The following ADAMTSL3 variants were observed in gnomAD, a reference collection of about 807,000 sequenced individuals.
The protein encoded by ADAMTSL3 is ADAMTS like 3.
In ADAMTSL3, 128 loss-of-function variants were observed where a neutral mutation model predicts 201.7. That is an observed-to-expected ratio of 0.63 (90% CI 0.55 to 0.73). ADAMTSL3 has a LOEUF of 0.73. ADAMTSL3 is among the 30% of genes least tolerant of loss of function. The pLI, the probability that ADAMTSL3 is intolerant of heterozygous loss-of-function variation, is 0.00. For synonymous variants in ADAMTSL3, 738 were observed against 748.4 expected (o/e 0.99, Z 0.23); for missense variants, 1,990 against 2,119.6 (o/e 0.94, Z 1.20).
intron 2 of ADAMTSL3, 58 bp from the exon 3 acceptor site, chr15:83,704,331 A>T (rs763181061): frequency 3.7e-6 from 6 of 1,610,866 alleles, no homozygotes; most frequent in Non-Finnish European, 5.1e-6. Flanking sequence ...CTTGGACTTT[A>T]CCTGTCAGGG....
intron 3 of ADAMTSL3, among the ~76,000 whole-genome samples, chr15:83,737,742 T>C (rs1345288665): frequency 2.0e-5 from 3 of 152,162 alleles, no homozygotes; most frequent in Non-Finnish European, 4.4e-5. Flanking sequence ...GAGTATCAAT[T>C]GGGATGAAAA....
chr15:84,024,837 A>T (rs2068272793), intron 26 of ADAMTSL3, among the ~76,000 whole-genome samples: 1 of 152,236 alleles, frequency 6.6e-6, no homozygotes, highest in Non-Finnish European at 1.5e-5. Context: ...ATACAAGCTA[A>T]CATGTAAGTA....
At chr15:83,980,800 C>T (rs1048104974) in intron 20 of ADAMTSL3, among the ~76,000 whole-genome samples, 1 of 152,208 alleles carries the variant, frequency 6.6e-6, no homozygotes, top group African/African-American at 2.4e-5. Context: ...GTTGACACCA[C>T]GAAACCCCAG....
At chr15:83,661,188 T>C (rs898470078) in intron 2 of ADAMTSL3, among the ~76,000 whole-genome samples, 1 of 152,314 alleles carries the variant, frequency 6.6e-6, no homozygotes, top group Non-Finnish European at 1.5e-5. Context: ...ACTGTAGCCT[T>C]GTAGTATAGT....
chr15:84,027,553 A>G (rs2068332621), intron 27 of ADAMTSL3, among the ~76,000 whole-genome samples: 1 of 152,102 alleles, frequency 6.6e-6, no homozygotes, highest in Non-Finnish European at 1.5e-5. Context: ...TACTAAAAAT[A>G]CAAAAAATTA....
intron 27 of ADAMTSL3, among the ~76,000 whole-genome samples, chr15:84,027,320 C>T (rs2068327571): frequency 1.3e-5 from 2 of 152,206 alleles, no homozygotes; most frequent in Non-Finnish European, 2.9e-5. Context: ...CCTAGCGGTT[C>T]CTCAAAATGT....
At chr15:83,847,984 G>A (rs562030349) in intron 7 of ADAMTSL3, among the ~76,000 whole-genome samples, 2 of 150,454 alleles carry the variant, frequency 1.3e-5, no homozygotes, top group East Asian at 3.9e-4. Context: ...ATTAGCATTA[G>A]CATGTATTTA....
At chr15:83,719,401 T>C (rs1338260608) in intron 3 of ADAMTSL3, among the ~76,000 whole-genome samples, 5 of 152,198 alleles carry the variant, frequency 3.3e-5, no homozygotes, top group Admixed American at 3.3e-4. Context: ...ATGGCCCTTA[T>C]TTGGATCTTT....
intron 7 of ADAMTSL3, among the ~76,000 whole-genome samples, 185 bp from the exon 8 acceptor site, chr15:83,858,581 C>T (rs1439019557): frequency 6.6e-6 from 1 of 152,148 alleles, no homozygotes; most frequent in Non-Finnish European, 1.5e-5. Flanking sequence ...CCATCTTGGC[C>T]AGGCTGGTCT....
At chr15:83,822,120 C>T (rs1300322300) in intron 6 of ADAMTSL3, among the ~76,000 whole-genome samples, 6 of 145,300 alleles carry the variant, frequency 4.1e-5, no homozygotes, top group African/African-American at 7.7e-5. Context: ...CCTGGCCGGG[C>T]GGGGGGCTGA....
chr15:83,923,246 T>G (rs1217273805), intron 16 of ADAMTSL3, among the ~76,000 whole-genome samples: 1 of 152,222 alleles, frequency 6.6e-6, no homozygotes, highest in Non-Finnish European at 1.5e-5. Flanking sequence ...TCTCTAGACC[T>G]CAGTTTCCTT....
chr15:83,944,492 T>C (rs1213630496), intron 19 of ADAMTSL3, among the ~76,000 whole-genome samples: 1 of 152,196 alleles, frequency 6.6e-6, no homozygotes, highest in Non-Finnish European at 1.5e-5. Context: ...CAACCTGCTC[T>C]GAGTCCTAGG....
chr15:83,717,040 T>C (rs1301737827), intron 3 of ADAMTSL3, among the ~76,000 whole-genome samples: 1 of 152,216 alleles, frequency 6.6e-6, no homozygotes, highest in African/African-American at 2.4e-5. Context: ...ATTGTAAATA[T>C]ACATTAAATA....
chr15:83,815,771 G>A (rs898751162), intron 5 of ADAMTSL3, among the ~76,000 whole-genome samples: 3 of 152,216 alleles, frequency 2.0e-5, no homozygotes, highest in East Asian at 3.8e-4. Context: ...ATCAGTCTTG[G>A]CTTTGTCATA....
chr15:83,882,115 C>T (rs28712829), intron 9 of ADAMTSL3, among the ~76,000 whole-genome samples: 41,336 of 151,856 alleles, frequency 0.27, 6,291 homozygotes, highest in Admixed American at 0.43. Flanking sequence ...GAGATCGCGC[C>T]ACTGCACTCC....
intron 21 of ADAMTSL3, among the ~76,000 whole-genome samples, chr15:83,987,869 G>A (rs920398813): frequency 2.0e-5 from 3 of 152,202 alleles, no homozygotes; most frequent in Non-Finnish European, 4.4e-5. Context: ...TGGGGCAGGG[G>A]AAAAATAGTA....
rs941139302 is a variant in ADAMTSL3 at position 83,993,866 on chromosome 15, A to C, written c.3973+2652A>C. ...CTGGGGAAAATCACCAGAAAATATC[A>C]GTTGCTGCATGTTTTATTTTCTTTC... On this transcript the variant is annotated intron_variant, in intron 23 of 29. Coordinates refer to ENST00000286744, the MANE Select transcript of ADAMTSL3 (RefSeq NM_207517.3). Among the ~76,000 whole-genome samples, 15 of 152,330 alleles carry C rather than the reference A, an allele frequency of 9.8e-5. 1 individual carries two copies. In the East Asian group the frequency reaches 2.7e-3, roughly 27 times the overall value.
intron 4 of ADAMTSL3, among the ~76,000 whole-genome samples, chr15:83,800,473 C>T (rs769464366): frequency 3.9e-5 from 6 of 152,120 alleles, no homozygotes; most frequent in Non-Finnish European, 8.8e-5. Flanking sequence ...ATGGTCTACA[C>T]TGAAGGCCTG....
chr15:83,820,458 C>G (rs1264430462), intron 6 of ADAMTSL3, among the ~76,000 whole-genome samples: 1 of 152,092 alleles, frequency 6.6e-6, no homozygotes, highest in East Asian at 1.9e-4. Context: ...GGCTCATCCC[C>G]CGGAGTTTCT....
Sources: allele counts gnomAD v4.1 joint callset (sites outside exome capture counted in the v4.1 genomes callset), GRCh38; gene constraint gnomAD v4.1.1; transcripts MANE v1.5; gene names NCBI Gene and HGNC (gene_info 2026-07-23, HGNC 2026-07-21).